Variants in MGAT4C observed in about 807,000 individuals in gnomAD.
MGAT4C encodes MGAT4 family member C.
A neutral mutation model predicts 40.1 loss-of-function variants in MGAT4C; 19 were observed. The observed-to-expected ratio is 0.47, with a 90% CI of 0.33 to 0.70. The LOEUF (loss-of-function observed/expected upper bound fraction) is 0.70. Ranked by LOEUF, MGAT4C falls within the 30% of genes least tolerant of loss-of-function variation. The pLI, the probability that MGAT4C is intolerant of heterozygous loss-of-function variation, is 0.02. For synonymous variants in MGAT4C, 181 were observed against 187.1 expected (o/e 0.97, Z 0.27); for missense variants, 491 against 563.2 (o/e 0.87, Z 1.30).
intron 1 of MGAT4C, among the ~76,000 whole-genome samples, chr12:86,195,981 C>A (rs149281144): frequency 2.6e-5 from 4 of 152,144 alleles, no homozygotes; most frequent in African/African-American, 9.6e-5. Flanking sequence ...TATAAACATA[C>A]ATATGTATCA....
chr12:86,150,208 G>T (rs573611337), intron 1 of MGAT4C, among the ~76,000 whole-genome samples: 1 of 152,238 alleles, frequency 6.6e-6, no homozygotes, highest in East Asian at 1.9e-4. Flanking sequence ...GATCTTACAA[G>T]ACATGAACAG....
chr12:86,654,712 T>C (rs572930360), intron 2 of MGAT4C, among the ~76,000 whole-genome samples: 1 of 148,098 alleles, frequency 6.8e-6, no homozygotes, highest in East Asian at 2.0e-4. Context: ...GGCCTTCTTT[T>C]CCCTGTACCT....
intron 1 of MGAT4C, among the ~76,000 whole-genome samples, chr12:86,088,608 G>A (rs1247853688): frequency 6.6e-6 from 1 of 151,854 alleles, no homozygotes; most frequent in African/African-American, 2.4e-5. Context: ...TATACACAGA[G>A]CCAACAAGCA....
rs151052320 is a variant in MGAT4C at position 86,733,277 on chromosome 12, A to G, written c.-261-6036T>C. On this transcript the variant is annotated intron_variant, in intron 1 of 7. Transcript: ENST00000548651. ...AAAAATACCACATTTTCCCTTAATT[A>G]TTTCTGGAACAGTGTAAAGAATTAT... Among the ~76,000 whole-genome samples, 484 of 152,194 alleles carry G rather than the reference A, an allele frequency of 3.2e-3. 1 individual carries two copies. The highest frequency in any genetic ancestry group is 0.012 in the African/African-American group (478 of 41,528).
chr12:86,395,031 A>G (rs1279641235), intron 3 of MGAT4C, among the ~76,000 whole-genome samples: 1 of 152,146 alleles, frequency 6.6e-6, no homozygotes, highest in African/African-American at 2.4e-5. Context: ...CTTGTTAAGA[A>G]ACTATATGTC....
chr12:86,199,772 A>G (rs2135928837), intron 1 of MGAT4C, among the ~76,000 whole-genome samples: 1 of 152,270 alleles, frequency 6.6e-6, no homozygotes, highest in South Asian at 2.1e-4. Context: ...TTATTTTTGG[A>G]AAATGTGTAT....
At chr12:85,983,216 T>C (rs1055292442) in intron 4 of MGAT4C, among the ~76,000 whole-genome samples, 2 of 152,196 alleles carry the variant, frequency 1.3e-5, no homozygotes, top group African/African-American at 4.8e-5. Context: ...AACATAGGAA[T>C]TTTTAAAAGT....
At chr12:86,163,318 A>T (rs1410062168) in intron 1 of MGAT4C, among the ~76,000 whole-genome samples, 2 of 151,666 alleles carry the variant, frequency 1.3e-5, no homozygotes, top group Non-Finnish European at 2.9e-5. Flanking sequence ...CTGCCTCTCG[A>T]GTAGCTAGGA....
At chr12:86,328,281 A>G (rs1054409310) in intron 4 of MGAT4C, among the ~76,000 whole-genome samples, 2 of 152,204 alleles carry the variant, frequency 1.3e-5, no homozygotes, top group Non-Finnish European at 2.9e-5. Flanking sequence ...ACAAGAAGCA[A>G]ATCAATTATT....
At chr12:86,652,979 A>C (rs192412224) in intron 2 of MGAT4C, among the ~76,000 whole-genome samples, 3 of 152,000 alleles carry the variant, frequency 2.0e-5, no homozygotes, top group African/African-American at 7.2e-5. Flanking sequence ...CTCACAACAG[A>C]ATTATTCTTT....
At chr12:86,305,646 T>C (rs1024652613) in intron 4 of MGAT4C, among the ~76,000 whole-genome samples, 4 of 150,360 alleles carry the variant, frequency 2.7e-5, no homozygotes, top group Non-Finnish European at 2.9e-5. Flanking sequence ...TCTGCAAATG[T>C]TCAAGTCTTT....
At chr12:86,585,810 G>C (rs1369699652) in intron 2 of MGAT4C, among the ~76,000 whole-genome samples, 1 of 148,816 alleles carries the variant, frequency 6.7e-6, no homozygotes, top group Non-Finnish European at 1.5e-5. Flanking sequence ...CAGATGACAG[G>C]CTGCAGCTTG....
chr12:86,187,077 A>AT (rs930374611), intron 1 of MGAT4C, among the ~76,000 whole-genome samples: 2 of 151,914 alleles, frequency 1.3e-5, no homozygotes, highest in Non-Finnish European at 2.9e-5. Context: ...CATTCTGCAC[A>AT]TTTTTTTTCA....
At chr12:86,081,803 AT>A (rs1257788219) in intron 1 of MGAT4C, among the ~76,000 whole-genome samples, 1 of 152,170 alleles carries the variant, frequency 6.6e-6, no homozygotes, top group Non-Finnish European at 1.5e-5. Flanking sequence ...ATCTGGAAAT[AT>A]CCCCCCGTTG....
chr12:86,513,425 T>A (rs1055974797), intron 2 of MGAT4C, among the ~76,000 whole-genome samples: 1 of 152,138 alleles, frequency 6.6e-6, no homozygotes, highest in African/African-American at 2.4e-5. Flanking sequence ...ATTTCAGACT[T>A]TTCATGACTG....
intron 3 of MGAT4C, among the ~76,000 whole-genome samples, chr12:86,347,230 GACTACT>G (rs1955056323): frequency 1.3e-5 from 2 of 151,976 alleles, no homozygotes; most frequent in Non-Finnish European, 2.9e-5. Flanking sequence ...AGACAAACCT[GACTACT>G]ACACATGGCA....
At chr12:86,486,801 T>C (rs1958028079) in intron 2 of MGAT4C, among the ~76,000 whole-genome samples, 1 of 152,162 alleles carries the variant, frequency 6.6e-6, no homozygotes, top group Non-Finnish European at 1.5e-5. Flanking sequence ...CACAAAACAT[T>C]CTTATTTTTT....
intron 1 of MGAT4C, among the ~76,000 whole-genome samples, chr12:86,215,500 A>G (rs781192463): frequency 3.3e-4 from 50 of 152,178 alleles, no homozygotes; most frequent in Non-Finnish European, 6.5e-4. Context: ...ATTTCAGCCA[A>G]TGATAATAGC....
At chr12:86,327,080 A>T (rs1302328124) in intron 4 of MGAT4C, among the ~76,000 whole-genome samples, 1 of 152,166 alleles carries the variant, frequency 6.6e-6, no homozygotes. Context: ...GATAATAGAC[A>T]TGTAAGGACT....
Sources: allele counts gnomAD v4.1 joint callset (sites outside exome capture counted in the v4.1 genomes callset), GRCh38; gene constraint gnomAD v4.1.1; transcripts MANE v1.5; gene names NCBI Gene and HGNC (gene_info 2026-07-23, HGNC 2026-07-21).